The following ST8SIA1 variants were observed in gnomAD, a reference collection of about 807,000 sequenced individuals.
ST8SIA1 encodes ST8 alpha-N-acetyl-neuraminide alpha-2,8-sialyltransferase 1, also known as alpha-N-acetylneuraminide alpha-2,8-sialyltransferase.
In ST8SIA1, 16 loss-of-function variants were observed where a neutral mutation model predicts 35.9. The observed-to-expected ratio is 0.45, with a 90% CI of 0.30 to 0.68. The LOEUF (loss-of-function observed/expected upper bound fraction) is 0.68, where lower values mean the gene tolerates loss of function less well. Among genes scored for constraint, ST8SIA1 ranks in the 30% least tolerant of loss-of-function variants. The pLI is 0.09. For synonymous variants in ST8SIA1, 170 were observed against 169.6 expected (o/e 1.00, Z -0.02); for missense variants, 383 against 453.6 (o/e 0.84, Z 1.41).
intron 2 of ST8SIA1, among the ~76,000 whole-genome samples, chr12:22,267,113 G>A (rs1243904926): frequency 6.6e-6 from 1 of 152,198 alleles, no homozygotes. Flanking sequence ...ACCAGTCACT[G>A]TATGAGATGC....
intron 1 of ST8SIA1, among the ~76,000 whole-genome samples, chr12:22,306,010 G>A (rs561213579): frequency 7.9e-5 from 12 of 152,208 alleles, no homozygotes; most frequent in East Asian, 3.9e-4. Flanking sequence ...AAGTTCCTCC[G>A]AAAGTCCAGG....
chr12:22,302,691 C>T (rs1319346801), intron 1 of ST8SIA1, among the ~76,000 whole-genome samples: 1 of 152,012 alleles, frequency 6.6e-6, no homozygotes, highest in Non-Finnish European at 1.5e-5. Flanking sequence ...AATCCTGGGG[C>T]CCTAAAAATT....
intron 2 of ST8SIA1, among the ~76,000 whole-genome samples, chr12:22,260,335 T>C (rs1565580282): frequency 6.6e-6 from 1 of 152,138 alleles, no homozygotes; most frequent in Non-Finnish European, 1.5e-5. Context: ...CTATTTTTTG[T>C]ATTTTTTGTA....
intron 4 of ST8SIA1, among the ~76,000 whole-genome samples, chr12:22,243,720 T>C (rs919297615): frequency 6.6e-6 from 1 of 152,216 alleles, no homozygotes; most frequent in African/African-American, 2.4e-5. Flanking sequence ...GATAAGGCTT[T>C]AACTATATTT....
At chr12:22,220,797 T>C (rs548501009) in intron 4 of ST8SIA1, among the ~76,000 whole-genome samples, 13 of 149,898 alleles carry the variant, frequency 8.7e-5, no homozygotes, top group Admixed American at 3.3e-4. Flanking sequence ...TGATCTGAGC[T>C]TGTCCTTGGG....
intron 1 of ST8SIA1, among the ~76,000 whole-genome samples, chr12:22,290,771 G>A (rs1866164840): frequency 6.6e-6 from 1 of 152,188 alleles, no homozygotes; most frequent in South Asian, 2.1e-4. Context: ...CTGGAGCACA[G>A]CTATAGACCA....
At chr12:22,277,075 G>A (rs1417172539) in intron 2 of ST8SIA1, among the ~76,000 whole-genome samples, 3 of 152,134 alleles carry the variant, frequency 2.0e-5, no homozygotes, top group South Asian at 2.1e-4. Context: ...CCTAATTACA[G>A]AACTACAAAG....
At chr12:22,291,426 G>A (rs148139001) in intron 1 of ST8SIA1, among the ~76,000 whole-genome samples, 2 of 152,334 alleles carry the variant, frequency 1.3e-5, no homozygotes, top group East Asian at 3.9e-4. Context: ...CTCAGTTTCA[G>A]TATCTGGCCA....
intron 4 of ST8SIA1, among the ~76,000 whole-genome samples, chr12:22,209,006 AAGAAAATAGG>A (rs1409334371): frequency 2.5e-4 from 38 of 152,308 alleles, no homozygotes; most frequent in African/African-American, 8.9e-4. Context: ...ATAAAATTAA[AAGAAAATAGG>A]AGAAAATATC....
chr12:22,245,042 G>A (rs767344644), intron 4 of ST8SIA1, among the ~76,000 whole-genome samples: 1 of 151,862 alleles, frequency 6.6e-6, no homozygotes, highest in African/African-American at 2.4e-5. Context: ...AATTATAATA[G>A]CTTTTTAATA....
At chr12:22,214,247 C>T (rs866809059) in intron 4 of ST8SIA1, among the ~76,000 whole-genome samples, 3 of 151,948 alleles carry the variant, frequency 2.0e-5, no homozygotes, top group South Asian at 2.1e-4. Flanking sequence ...TCAACAGTGG[C>T]AAATGTTGAG....
chr12:22,239,608 G>A (rs912413602), intron 4 of ST8SIA1, among the ~76,000 whole-genome samples: 4 of 152,070 alleles, frequency 2.6e-5, no homozygotes, highest in Admixed American at 6.6e-5. Context: ...TACTGCATCT[G>A]ACAATTCCAA....
At chr12:22,210,233 A>C (rs954138704) in intron 4 of ST8SIA1, among the ~76,000 whole-genome samples, 2 of 152,210 alleles carry the variant, frequency 1.3e-5, no homozygotes, top group Non-Finnish European at 2.9e-5. Context: ...ATAAAAGATA[A>C]AGATAGAAAT....
chr12:22,223,050 T>C (rs1027571758), intron 4 of ST8SIA1, among the ~76,000 whole-genome samples: 1 of 152,204 alleles, frequency 6.6e-6, no homozygotes, highest in African/African-American at 2.4e-5. Context: ...ATGTCCTCAA[T>C]ACTTCCTTCA....
chr12:22,244,673 G>A lies in ST8SIA1; in HGVS notation c.584+4333C>T, dbSNP rs545658267. Among the ~76,000 whole-genome samples the A allele has an allele frequency of 5.9e-5, 9 of 152,142 alleles. No homozygotes were observed. In the South Asian group the frequency reaches 1.9e-3, roughly 32 times the overall value. ...AGGTTTTGCCATGTTGTCCGGACTGGTCTCAACTCCTCAGCCAGTCCACCA... is the reference window on the plus strand; with the variant it reads ...AGGTTTTGCCATGTTGTCCGGACTGATCTCAACTCCTCAGCCAGTCCACCA... On this transcript the variant is annotated intron_variant, in intron 4 of 4. Coordinates refer to ENST00000396037, the MANE Select transcript of ST8SIA1 (RefSeq NM_003034.4).
intron 1 of ST8SIA1, among the ~76,000 whole-genome samples, chr12:22,304,378 A>G (rs1386462744): frequency 4.3e-4 from 42 of 96,630 alleles, no homozygotes; most frequent in Admixed American, 6.2e-4. Context: ...TTTTCTTCTC[A>G]GTTGACTGAA....
intron 4 of ST8SIA1, among the ~76,000 whole-genome samples, chr12:22,225,353 A>T (rs1865344204): frequency 6.6e-6 from 1 of 152,104 alleles, no homozygotes; most frequent in Non-Finnish European, 1.5e-5. Context: ...CCTAATTATT[A>T]GGATCTGGAT....
At chr12:22,233,013 G>A (rs573358837) in intron 4 of ST8SIA1, among the ~76,000 whole-genome samples, 99 of 152,170 alleles carry the variant, frequency 6.5e-4, no homozygotes, top group Middle Eastern at 3.4e-3. Context: ...GCAGAATTAA[G>A]GCAATAACTC....
Position 22,201,428 on chromosome 12 carries a change from G to T in ST8SIA1, c.*124C>A, listed in dbSNP as rs2120601595. The T allele has an allele frequency of 7.5e-7, 1 of 1,329,836 alleles. No individual in the cohort carries two copies. Among genetic ancestry groups the T allele is most frequent in the Non-Finnish European group, 1.0e-6 (1 of 981,216 alleles). The allele number at this position is 1,329,836 out of a possible 1,614,324, so 82.4% of individuals were successfully genotyped here. ...GTAAAGTTTTGCTTGGATCTTCATT[G>T]CTCCTTTCCTGTTTTTCCAAGGGCC... is the stretch of plus-strand genomic sequence containing the variant. On this transcript the variant is annotated 3_prime_UTR_variant, in exon 5 of 5. Transcript: ENST00000396037.
Sources: allele counts gnomAD v4.1 joint callset (sites outside exome capture counted in the v4.1 genomes callset), GRCh38; gene constraint gnomAD v4.1.1; transcripts MANE v1.5; gene names NCBI Gene and HGNC (gene_info 2026-07-23, HGNC 2026-07-21).